The following RADX variants were observed in gnomAD, a reference collection of about 807,000 sequenced individuals.
RADX encodes RPA1 related single stranded DNA binding protein, X-linked.
In RADX, 36 loss-of-function variants were observed where a neutral mutation model predicts 61.6. The ratio of observed to expected loss-of-function variants is 0.58; its 90% CI spans 0.45 to 0.77. The LOEUF is 0.77. Among genes scored for constraint, RADX ranks in the 30% least tolerant of loss-of-function variants. The pLI, the probability that RADX is intolerant of heterozygous loss-of-function variation, is 0.00. For missense variants in RADX, 497 were observed against 651.1 expected, an observed-to-expected ratio of 0.76 and a Z score of 2.58; for synonymous variants, 272 against 237.9, an observed-to-expected ratio of 1.14 and a Z score of -1.32.
intron 11 of RADX, among the ~76,000 whole-genome samples, chrX:106,650,417 A>G (rs1927765815): frequency 9.0e-6 from 1 of 110,503 alleles, no homozygotes; most frequent in Non-Finnish European, 1.9e-5. Flanking sequence ...TTGGAAAACA[A>G]TATCTACAGA....
chrX:106,678,098 CA>C (rs111332159), intron 13 of RADX, 29 bp from the exon 14 acceptor site: 6 of 1,041,056 alleles, frequency 5.8e-6, no homozygotes, highest in African/African-American at 3.7e-5. Context: ...AACTATTTTA[CA>C]GTACTTACCA....
At chrX:106,620,645 G>A (rs1261380786) in intron 1 of RADX, among the ~76,000 whole-genome samples, 3 of 110,975 alleles carry the variant, frequency 2.7e-5, no homozygotes, top group African/African-American at 9.8e-5. Flanking sequence ...CAGCACTCCA[G>A]CCTGAGCAAC....
chrX:106,664,191 G>A (rs1603059666), intron 12 of RADX, among the ~76,000 whole-genome samples: 1 of 106,685 alleles, frequency 9.4e-6, no homozygotes, highest in Admixed American at 9.9e-5. Flanking sequence ...ATAATTTTCT[G>A]TGCTTTCTGG....
intron 1 of RADX, among the ~76,000 whole-genome samples, chrX:106,616,153 C>T (rs1475970482): frequency 9.0e-6 from 1 of 111,240 alleles, no homozygotes; most frequent in African/African-American, 3.3e-5. Flanking sequence ...ACCAATAATG[C>T]TTTTTCAAGA....
At chrX:106,628,914 C>T (rs947529382) in intron 3 of RADX, among the ~76,000 whole-genome samples, 2 of 111,511 alleles carry the variant, frequency 1.8e-5, no homozygotes, top group African/African-American at 6.5e-5. Flanking sequence ...GTAATACAGG[C>T]GTGAGCCGCC....
intron 11 of RADX, among the ~76,000 whole-genome samples, chrX:106,657,427 T>C (rs1927969349): frequency 8.9e-6 from 1 of 112,338 alleles, no homozygotes; most frequent in African/African-American, 3.2e-5. Context: ...TTCACTAGAA[T>C]AGCACTTTTA....
intron 11 of RADX, among the ~76,000 whole-genome samples, chrX:106,652,971 G>A (rs1429756054): frequency 1.2e-5 from 1 of 84,695 alleles, no homozygotes; most frequent in East Asian, 3.8e-4. Context: ...GGGTGACAGA[G>A]TGAGATTCTG....
intron 10 of RADX, among the ~76,000 whole-genome samples, chrX:106,645,470 C>T (rs1291887176): frequency 1.8e-5 from 2 of 110,919 alleles, no homozygotes; most frequent in East Asian, 2.8e-4. Context: ...TCATTTGTTT[C>T]GAGCAATTTT....
chrX:106,620,133 C>T (rs1396290911), intron 1 of RADX, among the ~76,000 whole-genome samples: 1 of 111,544 alleles, frequency 9.0e-6, no homozygotes, highest in East Asian at 2.8e-4. Flanking sequence ...TGACGTGTGA[C>T]ATAAAAGCAA....
At chrX:106,662,408 C>G in intron 12 of RADX, 103 bp downstream of exon 12, 1 of 760,970 alleles carries the variant, frequency 1.3e-6, no homozygotes, top group Non-Finnish European at 1.8e-6. Context: ...AACATTAAGC[C>G]CAAGGGAAGT....
At chrX:106,653,254 C>A (rs962859522) in intron 11 of RADX, among the ~76,000 whole-genome samples, 46 of 110,596 alleles carry the variant, frequency 4.2e-4, no homozygotes, top group Non-Finnish European at 5.7e-4. Flanking sequence ...TCTCATTTTT[C>A]TTTTAGATCA....
intron 13 of RADX, among the ~76,000 whole-genome samples, chrX:106,676,362 T>TA (rs1928509796): frequency 8.9e-6 from 1 of 112,330 alleles, no homozygotes; most frequent in African/African-American, 3.2e-5. Context: ...TTGGCATTCT[T>TA]ACGTATTTTG....
intron 2 of RADX, among the ~76,000 whole-genome samples, chrX:106,624,719 G>A (rs1354744985): frequency 4.5e-5 from 5 of 111,507 alleles, no homozygotes; most frequent in African/African-American, 1.6e-4. Context: ...AATGAATAAA[G>A]GAATGAATTA....
At position 106,629,910 on chromosome X, in the gene RADX, G is replaced by T. The variant is rs191778149; in HGVS notation, c.980-2715G>T. 1.3e-4 allele frequency among the ~76,000 whole-genome samples: 15 copies of T among 111,757 alleles called. No homozygotes were observed. In the Admixed American group the frequency reaches 1.4e-3, roughly 11 times the overall value. ...TTACATATAAAAATCTGTGTCACCC[G>T]CCATTTTTACAAATTAGATAATGAG... On this transcript the variant is annotated intron_variant, in intron 3 of 13. Coordinates refer to ENST00000372548, the MANE Select transcript of RADX (RefSeq NM_018015.6).
rs1391876184 is a variant in RADX, at chrX:106,648,344, C to A, written c.1936C>A (p.Gln646Lys). 1.7e-6 allele frequency: 2 copies of A among 1,196,803 alleles called. No homozygotes were observed. Among genetic ancestry groups the A allele is most frequent in the East Asian group, 3.0e-5 (1 of 33,487 alleles). Residue 646 changes from glutamine (Q) to lysine (K), a missense_variant, in exon 11 of 14, where the codon CAA becomes AAA. By Grantham distance (53) the Gln-to-Lys change is moderately conservative. Coordinates refer to ENST00000372548, the MANE Select transcript of RADX (RefSeq NM_018015.6). The stretch of plus-strand genomic sequence containing the variant: ...TGTACCTCAACCAGGAGCTTCTGTA[C>A]AAACAAAGGGAATTAAACCGGGCAT... Reference protein sequence around the residue: ...VAVPQPGASVQTKGIKPGMPS... With the variant: ...VAVPQPGASVKTKGIKPGMPS...
chrX:106,622,756 A>G lies in RADX; in HGVS notation c.749A>G (p.Tyr250Cys). The change falls in exon 2 of 14, where the codon TAT (tyrosine) becomes TGT (cysteine). Residue 250 changes from tyrosine to cysteine, a missense_variant. This residue lies in a region of RADX where 196 missense variants were observed against 315.0 expected (regional missense o/e 0.62). Transcript: ENST00000372548. ...RILHKSKLRYYGKPDKKMIEP... is the reference protein window; with the variant it reads ...RILHKSKLRYCGKPDKKMIEP... ...TTACATAAATCAAAACTGCGATACT[A>G]TGGAAAACCTGATAAAAAGATGATT... 2.5e-6 allele frequency: 3 copies of G among 1,189,411 alleles called. No individual in the cohort carries two copies. Among genetic ancestry groups the G allele is most frequent in the South Asian group, 1.9e-5 (1 of 53,129 alleles).
intron 11 of RADX, among the ~76,000 whole-genome samples, chrX:106,656,801 A>G (rs1243761342): frequency 2.7e-5 from 3 of 111,868 alleles, no homozygotes; most frequent in Non-Finnish European, 5.6e-5. Flanking sequence ...AAACCATACT[A>G]TAAACAGATG....
chrX:106,648,401 G>A lies in RADX; in HGVS notation c.1978+15G>A. The A allele has an allele frequency of 9.1e-7, 1 of 1,098,308 alleles. No homozygotes were observed. The highest frequency in any genetic ancestry group is 1.3e-6 in the Non-Finnish European group (1 of 797,426). The allele number at this position is 1,098,308 out of a possible 1,213,427, so 90.5% of individuals were successfully genotyped here. On this transcript the variant is annotated intron_variant, in intron 11 of 13. Transcript: ENST00000372548. ...CATCTTCAACCGTATGTTACTATTT[G>A]TTATTATTATTTATGAAAACTTTAT...
chrX:106,647,474 A>G lies in RADX; in HGVS notation c.1905-839A>G, dbSNP rs776810257. On this transcript the variant is annotated intron_variant, in intron 10 of 13. Transcript: ENST00000372548. ...ACATGGAAGTGCAGCTATCTCTTTGATATACTGATTTTCTTTCTTTTGGGT... is the reference window on the plus strand; with the variant it reads ...ACATGGAAGTGCAGCTATCTCTTTGGTATACTGATTTTCTTTCTTTTGGGT... Among the ~76,000 whole-genome samples the G allele has an allele frequency of 1.5e-3, 169 of 110,851 alleles. 12 individuals are homozygous for G. The highest frequency in any genetic ancestry group is 4.6e-3 in the Middle Eastern group (1 of 219).
Sources: gnomAD v4.1 joint callset for allele counts (sites outside exome capture counted in the v4.1 genomes callset) on GRCh38, gnomAD v4.1.1 for gene constraint, gnomAD v4.1.1 regional missense constraint, MANE v1.5 for transcripts, NCBI Gene and HGNC (gene_info 2026-07-23, HGNC 2026-07-21) for gene names.